ARHGEF7: variants seen among roughly 807,000 people sequenced by gnomAD.
ARHGEF7 encodes the protein PAK-interacting exchange factor beta.
ARHGEF7 carries 33 observed loss-of-function variants against 109.8 expected under a neutral mutation model. The ratio of observed to expected loss-of-function variants is 0.30; its 90% CI spans 0.23 to 0.40. The LOEUF is 0.40. Among genes scored for constraint, ARHGEF7 ranks in the 10% least tolerant of loss-of-function variants. The pLI, the probability that ARHGEF7 is intolerant of heterozygous loss-of-function variation, is 1.00. For missense variants in ARHGEF7, 938 were observed against 1,098.5 expected (o/e 0.85, Z 2.07); for synonymous variants, 458 against 424.6 (o/e 1.08, Z -0.97).
At chr13:111,297,250 T>G (rs2093447925) in intron 19 of ARHGEF7, among the ~76,000 whole-genome samples, 1 of 152,240 alleles carries the variant, frequency 6.6e-6, no homozygotes. Flanking sequence ...TTGCATAATT[T>G]CTAGGCGTGT....
rs901686860 is a variant in ARHGEF7 at position 111,299,482 on chromosome 13, A to G, written c.2312-1266A>G. On this transcript the variant is annotated intron_variant, in intron 19 of 21. Transcript: ENST00000646102. The stretch of plus-strand genomic sequence containing the variant: ...CTCAGCCTCCCGAGTAGCTGGGACT[A>G]TAGGCGCCTGCCACCACGCCCGGCT... 5.3e-5 allele frequency among the ~76,000 whole-genome samples: 8 copies of G among 151,600 alleles called. 1 individual carries two copies. Among genetic ancestry groups the G allele is most frequent in the Admixed American group, 2.0e-4 (3 of 15,186 alleles).
chr13:111,171,562 C>G (rs2077596163), intron 2 of ARHGEF7, among the ~76,000 whole-genome samples: 1 of 152,168 alleles, frequency 6.6e-6, no homozygotes. Context: ...GAAGTTGGCT[C>G]ATTATGTATG....
chr13:111,276,601 G>T (rs1031822817), intron 12 of ARHGEF7, among the ~76,000 whole-genome samples: 4 of 152,174 alleles, frequency 2.6e-5, no homozygotes, highest in Non-Finnish European at 5.9e-5. Flanking sequence ...CTTCAGAGTG[G>T]TTCTGATCAC....
chr13:111,228,040 A>G lies in ARHGEF7; in HGVS notation c.671-5165A>G, dbSNP rs1416360008. Among the ~76,000 whole-genome samples, 1 of 152,226 alleles carries G rather than the reference A, an allele frequency of 6.6e-6. No individual in the cohort carries two copies. ...AACTGAGAAACACAGCAGTGGGAAA[A>G]CCAAGAGTGTCTTCCCAGAAGTTAT... On this transcript the variant is annotated intron_variant, in intron 5 of 21. Transcript: ENST00000646102. The surrounding 1 kb of genome is among the most constrained non-coding windows in gnomAD (Gnocchi z 4.6).
intron 2 of ARHGEF7, among the ~76,000 whole-genome samples, chr13:111,195,111 T>C (rs892912856): frequency 6.6e-6 from 1 of 152,200 alleles, no homozygotes; most frequent in African/African-American, 2.4e-5. Context: ...CCTGTAATAC[T>C]TTATGAGCTT....
chr13:111,270,959 G>A (rs75281782), intron 9 of ARHGEF7, among the ~76,000 whole-genome samples: 3,251 of 152,286 alleles, frequency 0.021, 116 homozygotes, highest in African/African-American at 0.075. Context: ...GGGGAGGGAT[G>A]TGTGTGTGCG....
intron 2 of ARHGEF7, among the ~76,000 whole-genome samples, chr13:111,160,964 C>CTAAT (rs980696480): frequency 5.9e-5 from 9 of 152,134 alleles, no homozygotes; most frequent in Non-Finnish European, 1.0e-4. Flanking sequence ...TGAACGTGGA[C>CTAAT]TAATGTACAT....
chr13:111,158,556 G>GGA lies in ARHGEF7; in HGVS notation c.252+4566_252+4567dup, dbSNP rs756338612. On this transcript the variant is annotated intron_variant, in intron 2 of 21. Coordinates refer to ENST00000646102, the MANE Select transcript of ARHGEF7 (RefSeq NM_001354046.2). ...TATTTAACTGTTTTTCTGGAAAAGTGGAAAGCATCCAAAGGCCCAGGTGGT... is the reference window on the plus strand; with the variant it reads ...TATTTAACTGTTTTTCTGGAAAAGTGGAGAAAGCATCCAAAGGCCCAGGTGGT... Among the ~76,000 whole-genome samples, 104 of 152,304 alleles carry GGA rather than the reference G, an allele frequency of 6.8e-4. No homozygotes were observed. The Middle Eastern group carries it at 0.01, about 15-fold the overall frequency.
intron 9 of ARHGEF7, among the ~76,000 whole-genome samples, chr13:111,268,160 A>G (rs2091827445): frequency 6.6e-6 from 1 of 152,250 alleles, no homozygotes; most frequent in African/African-American, 2.4e-5. Context: ...TATTTTATGA[A>G]GCAAGACAGT....
At chr13:111,118,876 A>T (rs2066983120) in intron 1 of ARHGEF7, among the ~76,000 whole-genome samples, 2 of 152,184 alleles carry the variant, frequency 1.3e-5, no homozygotes, top group South Asian at 4.1e-4. Context: ...GAACACAGAG[A>T]ACCTTCCTGT....
At chr13:111,155,149 G>T (rs1006506158) in intron 2 of ARHGEF7, among the ~76,000 whole-genome samples, 2 of 152,178 alleles carry the variant, frequency 1.3e-5, no homozygotes, top group Non-Finnish European at 2.9e-5. Flanking sequence ...GCATCTGAGG[G>T]TTTTGGTATC....
intron 6 of ARHGEF7, among the ~76,000 whole-genome samples, chr13:111,235,939 C>T (rs1271145401): frequency 6.6e-6 from 1 of 152,156 alleles, no homozygotes; most frequent in African/African-American, 2.4e-5. Flanking sequence ...CTTGTCTTAA[C>T]TTGGGATCAG....
Position 111,288,438 on chromosome 13 carries a change from A to G in ARHGEF7, c.2129A>G (p.Asn710Ser). The G allele has an allele frequency of 6.2e-7, 1 of 1,611,704 alleles. No individual in the cohort carries two copies. The highest frequency in any genetic ancestry group is 8.5e-7 in the Non-Finnish European group (1 of 1,177,854). Residue 710 changes from asparagine (N) to serine (S), a missense_variant, in exon 18 of 22, where the codon AAT (asparagine) becomes AGT (serine). By Grantham distance (46) the Asn-to-Ser change is conservative. Around this residue, in one of 4 missense-constraint regions of ARHGEF7, gnomAD observed 22 missense variants for 81.9 expected, o/e 0.27. Coordinates refer to ENST00000646102, the MANE Select transcript of ARHGEF7 (RefSeq NM_001354046.2). ...AGCGCCAAAACAAGGCAAACACTCA[A>G]TTCAAGTAAGTTTAGCAATAAGGCC... ...CTSAKTRQTL[N>S]STWQGTDLMH...
rs2074776516 is a variant in ARHGEF7, at chr13:111,131,953, A to C, written c.165+16262A>C. 6.6e-6 allele frequency among the ~76,000 whole-genome samples: 1 copy of C among 151,984 alleles called. No homozygotes were observed. Among genetic ancestry groups the C allele is most frequent in the Admixed American group, 6.6e-5 (1 of 15,254 alleles). On this transcript the variant is annotated intron_variant, in intron 1 of 21. Coordinates refer to ENST00000646102, the MANE Select transcript of ARHGEF7 (RefSeq NM_001354046.2). The surrounding 1 kb of genome is among the most constrained non-coding windows in gnomAD (Gnocchi z 4.4). ...GTTGTGGAGTATGAGAGAGGGGTGG[A>C]CTCAGTGAGGGGGTGGACCGTGAGC...
At chr13:111,139,414 C>T (rs1243927205) in intron 1 of ARHGEF7, among the ~76,000 whole-genome samples, 2 of 152,218 alleles carry the variant, frequency 1.3e-5, no homozygotes, top group African/African-American at 4.8e-5. Flanking sequence ...CTGTCTCTCC[C>T]TCTCTGTGTC....
intron 1 of ARHGEF7, among the ~76,000 whole-genome samples, chr13:111,134,610 C>G (rs1236834937): frequency 6.6e-6 from 1 of 152,186 alleles, no homozygotes; most frequent in African/African-American, 2.4e-5. Context: ...AGTGTCTGTT[C>G]ATATCCTTCA....
At chr13:111,185,300 G>A (rs552357557) in intron 2 of ARHGEF7, 1 of 152,536 alleles carries the variant, frequency 6.6e-6, no homozygotes, top group East Asian at 1.9e-4. Flanking sequence ...GTGCTGTTCT[G>A]AACTGTTAGG....
chr13:111,172,004 T>C (rs2077642622), intron 2 of ARHGEF7, among the ~76,000 whole-genome samples: 1 of 152,192 alleles, frequency 6.6e-6, no homozygotes, highest in African/African-American at 2.4e-5. Context: ...TGAGAATACA[T>C]TTCTGTGGCT....
chr13:111,184,922 A>C (rs981839355), intron 2 of ARHGEF7: 9 of 152,220 alleles, frequency 5.9e-5, no homozygotes, highest in Non-Finnish European at 1.2e-4. Flanking sequence ...CTTTCTCTGC[A>C]CCTGTTTCCT....
Sources: gnomAD v4.1 joint callset for allele counts (sites outside exome capture counted in the v4.1 genomes callset) on GRCh38, gnomAD v4.1.1 for gene constraint, gnomAD v4.1.1 regional missense constraint, Gnocchi (gnomAD v3.1) non-coding constraint, MANE v1.5 for transcripts, NCBI Gene and HGNC (gene_info 2026-07-23, HGNC 2026-07-21) for gene names.